Variants in ITGA11 observed in about 807,000 individuals in gnomAD.
The protein encoded by ITGA11 is integrin alpha-11.
In ITGA11, 97 loss-of-function variants were observed where a neutral mutation model predicts 141.9. The ratio of observed to expected loss-of-function variants is 0.68; its 90% confidence interval spans 0.58 to 0.81. The LOEUF is 0.81. Ranked by LOEUF, ITGA11 falls within the 30% of genes least tolerant of loss-of-function variation. The pLI, the probability that ITGA11 is intolerant of heterozygous loss-of-function variation, is 0.00. For missense variants in ITGA11, 1,387 were observed against 1,559.2 expected (o/e 0.89, Z 1.86); for synonymous variants, 658 against 624.6 (o/e 1.05, Z -0.80).
At chr15:68,339,028 T>A (rs564793327) in intron 11 of ITGA11, among the ~76,000 whole-genome samples, 1 of 152,242 alleles carries the variant, frequency 6.6e-6, no homozygotes, top group Admixed American at 6.5e-5. Flanking sequence ...TGATTTGTGC[T>A]TCTATCTAGA....
chr15:68,312,958 C>A, intron 23 of ITGA11, 95 bp from the exon 24 acceptor site: 1 of 864,544 alleles, frequency 1.2e-6, no homozygotes, highest in Admixed American at 2.1e-5. Context: ...GCCGGCCTCC[C>A]CCGGGCCACG....
chr15:68,321,323 G>A lies in ITGA11; in HGVS notation c.2408+95C>T, dbSNP rs1893799818. 1.5e-6 allele frequency: 1 copy of A among 685,496 alleles called. No individual in the cohort carries two copies. The highest frequency in any genetic ancestry group is 2.4e-6 in the Non-Finnish European group (1 of 425,236). 42.5% of individuals were successfully genotyped at this position (685,496 alleles called of 1,614,324 possible). A position where few individuals can be genotyped will look rare whatever the true frequency, so the allele number is the denominator to read the frequency against. On this transcript the variant is annotated intron_variant, in intron 19 of 29. Coordinates refer to ENST00000315757, the MANE Select transcript of ITGA11 (RefSeq NM_001004439.2). The surrounding 1 kb of genome is among the most constrained non-coding windows in gnomAD (Gnocchi z 4.9). ...GTTTGATCCATGCTGCCTGTGAGGA[G>A]GATGTCCAGGAAATAATCCAGGGCC...
Position 68,358,450 on chromosome 15 carries a change from ATGC to A in ITGA11, c.600+5_600+7del. 6.2e-7 allele frequency: 1 copy of A among 1,604,008 alleles called. No homozygotes were observed. The highest frequency in any genetic ancestry group is 8.5e-7 in the Non-Finnish European group (1 of 1,175,120). Reference sequence around the variant, plus strand: ...TTCAGAAGTGGAAAGAGCCCAAGAGATGCTCACCTGGATCTGCCCTGGGCCAAT... The same window carrying A: ...TTCAGAAGTGGAAAGAGCCCAAGAGATCACCTGGATCTGCCCTGGGCCAAT... On this transcript the variant is annotated splice_donor_5th_base_variant and intron_variant, in intron 6 of 29. Coordinates refer to ENST00000315757, the MANE Select transcript of ITGA11 (RefSeq NM_001004439.2).
At chr15:68,369,947 T>C (rs1895536328) in intron 2 of ITGA11, among the ~76,000 whole-genome samples, 1 of 152,098 alleles carries the variant, frequency 6.6e-6, no homozygotes, top group Non-Finnish European at 1.5e-5. Flanking sequence ...CTAAATTCAA[T>C]GGCAAGTGTC....
chr15:68,426,963 C>T (rs746479816), intron 1 of ITGA11, among the ~76,000 whole-genome samples: 9 of 139,844 alleles, frequency 6.4e-5, no homozygotes, highest in Admixed American at 2.5e-4. Context: ...TGCAATGAGC[C>T]GAGATCATGC....
rs74917361 is a variant in ITGA11 at position 68,405,810 on chromosome 15, TG to T, written c.53-2782del. 2.1e-3 allele frequency among the ~76,000 whole-genome samples: 316 copies of T among 152,160 alleles called. 4 individuals carry two copies. Among genetic ancestry groups the T allele is most frequent in the East Asian group, 8.3e-3 (43 of 5,174 alleles). On this transcript the variant is annotated intron_variant, in intron 1 of 29. Transcript: ENST00000315757. Reference sequence around the variant, plus strand: ...GGGGGTTACTGAAGGAGTGTTGCAGTGGCAGAGAGAAACTTACCCTCTCTCC... The same window carrying T: ...GGGGGTTACTGAAGGAGTGTTGCAGTGCAGAGAGAAACTTACCCTCTCTCC...
chr15:68,318,342 G>T (rs1893666001), intron 20 of ITGA11, among the ~76,000 whole-genome samples: 1 of 152,204 alleles, frequency 6.6e-6, no homozygotes, highest in Admixed American at 6.5e-5. Context: ...GCAAGCATGA[G>T]ACTGGCCTTG....
intron 24 of ITGA11, among the ~76,000 whole-genome samples, chr15:68,312,217 T>C (rs1156629267): frequency 6.6e-6 from 1 of 152,218 alleles, no homozygotes; most frequent in Non-Finnish European, 1.5e-5. Context: ...CAGCCTCCCT[T>C]ATGGCTCAGT....
Position 68,350,709 on chromosome 15 carries a change from T to C in ITGA11, c.968A>G (p.Asp323Gly). ...ATTGAAGAAGTGCTTGTCATCAGGG[T>C]CACTGGCGATGTATTTGATTTCATT... ...FLNEIKYIAS[D>G]PDDKHFFNVT... The change falls in exon 9 of 30, where the codon GAC (aspartate) becomes GGC (glycine). Residue 323 changes from aspartate to glycine, a missense_variant. By Grantham distance (94) the Asp-to-Gly change is moderately conservative. Coordinates refer to ENST00000315757, the MANE Select transcript of ITGA11 (RefSeq NM_001004439.2). 1.2e-6 allele frequency: 2 copies of C among 1,613,956 alleles called. No homozygotes were observed. Among genetic ancestry groups the C allele is most frequent in the South Asian group, 1.1e-5 (1 of 91,064 alleles).
At chr15:68,327,085 A>G (rs1439731255) in intron 16 of ITGA11, among the ~76,000 whole-genome samples, 3 of 151,918 alleles carry the variant, frequency 2.0e-5, no homozygotes, top group Non-Finnish European at 4.4e-5. Context: ...ATGTGGGGCC[A>G]GGGTGGTGTC....
chr15:68,360,822 G>T (rs939407303), intron 5 of ITGA11, among the ~76,000 whole-genome samples: 1 of 152,136 alleles, frequency 6.6e-6, no homozygotes, highest in Non-Finnish European at 1.5e-5. Context: ...GCCCCTGCTG[G>T]ACTGATGCTT....
chr15:68,336,416 C>A (rs1443185211), intron 11 of ITGA11, among the ~76,000 whole-genome samples: 1 of 152,138 alleles, frequency 6.6e-6, no homozygotes, highest in African/African-American at 2.4e-5. Flanking sequence ...GCTTTGCAGA[C>A]TCAAAGGTGG....
At chr15:68,388,486 A>T (rs1256252847) in intron 2 of ITGA11, among the ~76,000 whole-genome samples, 1 of 152,098 alleles carries the variant, frequency 6.6e-6, no homozygotes, top group Non-Finnish European at 1.5e-5. Context: ...TTTCCATGGC[A>T]CAGATAACTA....
chr15:68,309,906 T>C (rs1321520794), intron 26 of ITGA11, among the ~76,000 whole-genome samples: 2 of 152,178 alleles, frequency 1.3e-5, no homozygotes, highest in African/African-American at 2.4e-5. Flanking sequence ...CACGGCCTAA[T>C]GCAGTTTTGT....
rs1893798971 is a variant in ITGA11, at chr15:68,321,301, TG to T, written c.2408+116del. ...GAACGCAGGCTCCAAGTGCAATGTT[TG>T]ATCCATGCTGCCTGTGAGGAGGATG... On this transcript the variant is annotated intron_variant, in intron 19 of 29. Transcript: ENST00000315757. The surrounding 1 kb of genome is among the most constrained non-coding windows in gnomAD (Gnocchi z 4.9). 3 of 560,082 alleles carry T rather than the reference TG, an allele frequency of 5.4e-6. No individual in the cohort carries two copies. The highest frequency in any genetic ancestry group is 9.1e-6 in the Non-Finnish European group (3 of 328,202). 34.7% of individuals were successfully genotyped at this position (560,082 alleles called of 1,614,324 possible).
At chr15:68,405,940 A>G (rs1209626208) in intron 1 of ITGA11, among the ~76,000 whole-genome samples, 2 of 152,194 alleles carry the variant, frequency 1.3e-5, no homozygotes, top group Non-Finnish European at 2.9e-5. Flanking sequence ...ACACATGCAC[A>G]GGCCACATAC....
chr15:68,418,246 T>C (rs1462250813), intron 1 of ITGA11, among the ~76,000 whole-genome samples: 2 of 152,234 alleles, frequency 1.3e-5, no homozygotes, highest in East Asian at 1.9e-4. Context: ...GTGATCTATA[T>C]ACATTTGTTA....
Position 68,326,867 on chromosome 15 carries a change from A to G in ITGA11, c.2069-71T>C. ...CCATCCAAGACTGTCTGCCTCCTCC[A>G]GGAAGCCCCCCAGGCTGGCCAGGGG... On this transcript the variant is annotated intron_variant, in intron 16 of 29. Transcript: ENST00000315757. This position sits in a 1 kb window ranked among gnomAD's most constrained non-coding sequence, Gnocchi z 6.8. The G allele has an allele frequency of 6.7e-7, 1 of 1,490,520 alleles. No homozygotes were observed. Among genetic ancestry groups the G allele is most frequent in the Non-Finnish European group, 9.0e-7 (1 of 1,110,196 alleles). The allele number at this position is 1,490,520 out of a possible 1,614,324, so 92.3% of individuals were successfully genotyped here.
intron 2 of ITGA11, among the ~76,000 whole-genome samples, chr15:68,385,381 G>C (rs531569584): frequency 2.6e-5 from 4 of 152,220 alleles, no homozygotes; most frequent in Non-Finnish European, 4.4e-5. Context: ...GTTGGGAGAG[G>C]AGGAAGTGGC....
Sources: gnomAD v4.1 joint callset for allele counts (sites outside exome capture counted in the v4.1 genomes callset) on GRCh38, gnomAD v4.1.1 for gene constraint, Gnocchi (gnomAD v3.1) non-coding constraint, MANE v1.5 for transcripts, NCBI Gene and HGNC (gene_info 2026-07-23, HGNC 2026-07-21) for gene names.